Variants in RYR2 observed in about 807,000 individuals in gnomAD.
RYR2 encodes the protein cardiac muscle ryanodine receptor-calcium release channel.
In RYR2, 227 loss-of-function variants were observed where a neutral mutation model predicts 601.1. That is an observed-to-expected ratio of 0.38 (90% CI 0.34 to 0.42). The LOEUF is 0.42. Ranked by LOEUF, RYR2 falls within the 10% of genes least tolerant of loss-of-function variation. RYR2 has a pLI of 1.00. For missense variants in RYR2, 4,646 were observed against 6,156.5 expected (o/e 0.75, Z 8.21); for synonymous variants, 2,223 against 2,175.1 (o/e 1.02, Z -0.61).
At chr1:237,664,727 G>A (rs1420718535) in intron 56 of RYR2, among the ~76,000 whole-genome samples, 1 of 152,230 alleles carries the variant, frequency 6.6e-6, no homozygotes, top group Non-Finnish European at 1.5e-5. Flanking sequence ...AATAATGGAT[G>A]AAGGGGAGTA....
intron 12 of RYR2, among the ~76,000 whole-genome samples, chr1:237,431,908 A>C (rs1706844622): frequency 6.6e-6 from 1 of 152,130 alleles, no homozygotes; most frequent in Non-Finnish European, 1.5e-5. Flanking sequence ...TTTCTGTGCG[A>C]CTCATCAACA....
At chr1:237,458,871 T>C (rs1408998720) in intron 16 of RYR2, among the ~76,000 whole-genome samples, 1 of 152,220 alleles carries the variant, frequency 6.6e-6, no homozygotes, top group Non-Finnish European at 1.5e-5. Flanking sequence ...AATAAAACTC[T>C]TGTGCCTATT....
At chr1:237,276,896 A>G (rs1690343172) in intron 2 of RYR2, among the ~76,000 whole-genome samples, 1 of 152,232 alleles carries the variant, frequency 6.6e-6, no homozygotes, top group South Asian at 2.1e-4. Flanking sequence ...AAAGCATAAT[A>G]AAAGAAGGAA....
intron 29 of RYR2, among the ~76,000 whole-genome samples, chr1:237,579,487 T>C (rs1297056714): frequency 6.6e-6 from 1 of 152,086 alleles, no homozygotes; most frequent in Non-Finnish European, 1.5e-5. Flanking sequence ...ACTCCTGACC[T>C]CAGGTGATCC....
chr1:237,222,605 T>C lies in RYR2; in HGVS notation c.49-47892T>C, dbSNP rs550622977. Among the ~76,000 whole-genome samples the C allele has an allele frequency of 1.7e-4, 26 of 152,268 alleles. 1 individual carries two copies. In the South Asian group the frequency reaches 3.7e-3, roughly 22 times the overall value. On this transcript the variant is annotated intron_variant, in intron 1 of 104. Coordinates refer to ENST00000366574, the MANE Select transcript of RYR2 (RefSeq NM_001035.3). Reference sequence around the variant, plus strand: ...TTTTTGATAGTACGCTGGAAAGAAATGTCTGTCTGTCTTGAGGTTTTCAGT... The same window carrying C: ...TTTTTGATAGTACGCTGGAAAGAAACGTCTGTCTGTCTTGAGGTTTTCAGT...
intron 1 of RYR2, among the ~76,000 whole-genome samples, chr1:237,147,166 A>C (rs1265002193): frequency 6.6e-6 from 1 of 152,234 alleles, no homozygotes; most frequent in Non-Finnish European, 1.5e-5. Context: ...GATTAAGGCT[A>C]CTATGCTGAA....
In RYR2 at chr1:237,228,102, G is replaced by A. The variant is rs867820435; in HGVS notation, c.49-42395G>A. ...GAGCAACATACACTGAACCCAATTT[G>A]TAGTCTTCTATCCCTCACCCTCTTC... On this transcript the variant is annotated intron_variant, in intron 1 of 104. Coordinates refer to ENST00000366574, the MANE Select transcript of RYR2 (RefSeq NM_001035.3). Among the ~76,000 whole-genome samples the A allele has an allele frequency of 7.9e-5, 12 of 152,166 alleles. 1 individual carries two copies. In the Middle Eastern group the frequency reaches 0.01, roughly 129 times the overall value.
At chr1:237,474,267 C>A in intron 17 of RYR2, among the ~76,000 whole-genome samples, 1 of 69,538 alleles carries the variant, frequency 1.4e-5, no homozygotes, top group African/African-American at 3.6e-5. Flanking sequence ...GTATAGATAC[C>A]TACACACACA....
At chr1:237,115,768 A>G (rs1392755034) in intron 1 of RYR2, among the ~76,000 whole-genome samples, 4 of 152,124 alleles carry the variant, frequency 2.6e-5, no homozygotes. Context: ...CTCCTCAAAA[A>G]CTGCAACGTT....
intron 1 of RYR2, among the ~76,000 whole-genome samples, chr1:237,060,791 A>T (rs1662739196): frequency 6.6e-6 from 1 of 152,182 alleles, no homozygotes; most frequent in African/African-American, 2.4e-5. Context: ...GTTGATAGAC[A>T]ATGGGTTGTT....
rs897174707 is a variant in RYR2, at chr1:237,319,098, A to G, written c.169-11780A>G. Among the ~76,000 whole-genome samples, 5 of 151,842 alleles carry G rather than the reference A, an allele frequency of 3.3e-5. No individual in the cohort carries two copies. The East Asian group carries it at 9.7e-4, about 29-fold the overall frequency. ...ATCTGCAATTGAACCTCTTTAGTAT[A>G]TTTATTATTTTAGTTATTGTATTCA... On this transcript the variant is annotated intron_variant, in intron 2 of 104. Transcript: ENST00000366574.
At chr1:237,302,294 A>G (rs1470810988) in intron 2 of RYR2, among the ~76,000 whole-genome samples, 1 of 152,118 alleles carries the variant, frequency 6.6e-6, no homozygotes, top group African/African-American at 2.4e-5. Context: ...CTTTACCATC[A>G]CCTTAATGGC....
chr1:237,500,571 C>A lies in RYR2; in HGVS notation c.2204-140C>A, dbSNP rs867756810. On this transcript the variant is annotated intron_variant, in intron 20 of 104. Transcript: ENST00000366574. ...GACAAAGAGTTTAACATGTAACATG[C>A]GTTTACATTCAAGATTTATTCCTTC... The A allele has an allele frequency of 1.5e-5, 10 of 648,684 alleles. No homozygotes were observed. In the South Asian group the frequency reaches 2.8e-4, roughly 18 times the overall value. 40.2% of individuals were successfully genotyped at this position (648,684 alleles called of 1,614,324 possible).
At chr1:237,816,888 A>T (rs1661901599) in intron 100 of RYR2, among the ~76,000 whole-genome samples, 1 of 152,132 alleles carries the variant, frequency 6.6e-6, no homozygotes, top group Non-Finnish European at 1.5e-5. Context: ...TAAGTGATGG[A>T]TGGTCTGTAA....
At chr1:237,649,399 G>A (rs489969) in intron 49 of RYR2, among the ~76,000 whole-genome samples, 78,757 of 151,898 alleles carry the variant, frequency 0.52, 21,091 homozygotes, top group East Asian at 0.82. Flanking sequence ...GATAGTATGG[G>A]CGATAACATA....
chr1:237,475,860 C>T (rs1015745367), intron 17 of RYR2, among the ~76,000 whole-genome samples: 1 of 152,164 alleles, frequency 6.6e-6, no homozygotes, highest in African/African-American at 2.4e-5. Flanking sequence ...AGATAAATCA[C>T]ATATTTTCCC....
At chr1:237,228,869 G>A (rs867455767) in intron 1 of RYR2, among the ~76,000 whole-genome samples, 4 of 152,150 alleles carry the variant, frequency 2.6e-5, no homozygotes, top group South Asian at 2.1e-4. Flanking sequence ...TTGAATGCTT[G>A]TTTGTGTGTA....
At chr1:237,604,028 A>G (rs559617464) in intron 35 of RYR2, among the ~76,000 whole-genome samples, 1 of 152,316 alleles carries the variant, frequency 6.6e-6, no homozygotes, top group African/African-American at 2.4e-5. Flanking sequence ...CAGAAAGTTA[A>G]CAAGGATATC....
intron 76 of RYR2, among the ~76,000 whole-genome samples, chr1:237,727,601 A>G (rs573935145): frequency 1.2e-4 from 18 of 152,164 alleles, no homozygotes; most frequent in Non-Finnish European, 2.6e-4. Context: ...CATCTGTATC[A>G]TAATGGGATC....
Sources: allele counts gnomAD v4.1 joint callset (sites outside exome capture counted in the v4.1 genomes callset), GRCh38; gene constraint gnomAD v4.1.1; transcripts MANE v1.5; gene names NCBI Gene and HGNC (gene_info 2026-07-23, HGNC 2026-07-21).